Variants in ESR1 observed in about 807,000 individuals in gnomAD.
The protein encoded by ESR1 is estrogen receptor.
ESR1 carries 12 observed loss-of-function variants against 52.7 expected under a neutral mutation model. The ratio of observed to expected loss-of-function variants is 0.23; its 90% CI spans 0.15 to 0.37. The LOEUF is 0.37. Ranked by LOEUF, ESR1 falls within the 10% of genes least tolerant of loss-of-function variation. ESR1 has a pLI of 1.00. For missense variants in ESR1, 584 were observed against 779.7 expected, an observed-to-expected ratio of 0.75 and a Z score of 2.99; for synonymous variants, 305 against 316.8, an observed-to-expected ratio of 0.96 and a Z score of 0.39.
At position 151,895,132 on chromosome 6, in the gene ESR1, G is replaced by T. The variant is rs200967493; in HGVS notation, c.760+14361G>T. Among the ~76,000 whole-genome samples the T allele has an allele frequency of 7.7e-3, 631 of 81,624 alleles. 3 individuals are homozygous for T. The highest frequency in any genetic ancestry group is 9.7e-3 in the Non-Finnish European group (416 of 43,098). 53.5% of individuals were successfully genotyped at this position (81,624 alleles called of 152,430 possible). ...TTCTTGGTTAGTTTTTGTTTTTTTT[G>T]GTTTTTTTTTTTTTTTGCAACTATT... On this transcript the variant is annotated intron_variant, in intron 3 of 7. Coordinates refer to ENST00000206249, the MANE Select transcript of ESR1 (RefSeq NM_000125.4).
chr6:152,120,064 T>A (rs905227628), intron 6 of ESR1, among the ~76,000 whole-genome samples: 8 of 152,360 alleles, frequency 5.3e-5, no homozygotes, highest in African/African-American at 1.7e-4. Flanking sequence ...TGAAACCAAA[T>A]GTTTTTCTCA....
At chr6:151,954,943 A>G (rs1043131628) in intron 4 of ESR1, among the ~76,000 whole-genome samples, 2 of 152,186 alleles carry the variant, frequency 1.3e-5, no homozygotes, top group Admixed American at 1.3e-4. Flanking sequence ...CCGCCTTTAC[A>G]TTGGGTCTGT....
At chr6:151,803,535 G>A (rs1777470137), upstream of ESR1, among the ~76,000 whole-genome samples, 1 of 152,152 alleles carries the variant, frequency 6.6e-6, no homozygotes, top group African/African-American at 2.4e-5. Flanking sequence ...TGAACTCATG[G>A]GGGAAGCTAT....
At chr6:152,017,128 T>A (rs867654550) in intron 5 of ESR1, among the ~76,000 whole-genome samples, 1 of 152,198 alleles carries the variant, frequency 6.6e-6, no homozygotes, top group Non-Finnish European at 1.5e-5. Flanking sequence ...AAATGGGGTT[T>A]GGTGATTATA....
downstream of ESR1, among the ~76,000 whole-genome samples, chr6:152,104,944 G>A (rs2152512129): frequency 6.6e-6 from 1 of 152,192 alleles, no homozygotes; most frequent in East Asian, 1.9e-4. Flanking sequence ...GGCCACTGAT[G>A]TAATTAATCA....
intron 1 of ESR1, among the ~76,000 whole-genome samples, chr6:151,830,674 T>A (rs1436181573): frequency 6.6e-6 from 1 of 152,170 alleles, no homozygotes; most frequent in Non-Finnish European, 1.5e-5. Context: ...CATTAGTAAC[T>A]GACAAAAGAT....
intron 6 of ESR1, among the ~76,000 whole-genome samples, chr6:152,072,088 C>A (rs1435170050): frequency 2.6e-5 from 4 of 151,220 alleles, no homozygotes; most frequent in African/African-American, 9.8e-5. Context: ...TTCCCCGCTG[C>A]TCAGCCACTG....
intron 1 of ESR1, among the ~76,000 whole-genome samples, chr6:151,820,794 A>G (rs1388609304): frequency 6.6e-6 from 1 of 152,204 alleles, no homozygotes; most frequent in African/African-American, 2.4e-5. Flanking sequence ...ATGTTTAAAC[A>G]ATTTTCCATT....
intron 4 of ESR1, among the ~76,000 whole-genome samples, chr6:152,007,212 G>C (rs2042402095): frequency 6.6e-6 from 1 of 152,056 alleles, no homozygotes; most frequent in Non-Finnish European, 1.5e-5. Context: ...CAATTTGTAA[G>C]AAGTCCCTAG....
intron 6 of ESR1, among the ~76,000 whole-genome samples, chr6:152,115,205 TAAG>T (rs1317241303): frequency 6.6e-6 from 1 of 152,190 alleles, no homozygotes; most frequent in Admixed American, 6.5e-5. Flanking sequence ...TTATAAAATG[TAAG>T]AATATATAGT....
intron 2 of ESR1, among the ~76,000 whole-genome samples, chr6:151,723,917 T>C (rs1482137416): frequency 6.6e-6 from 1 of 151,830 alleles, no homozygotes; most frequent in African/African-American, 2.4e-5. Flanking sequence ...CCTAAATCTA[T>C]AAAATTTTCT....
At chr6:151,789,070 G>T (rs1787283992) in intron 2 of ESR1, among the ~76,000 whole-genome samples, 1 of 152,006 alleles carries the variant, frequency 6.6e-6, no homozygotes, top group African/African-American at 2.4e-5. Context: ...GTTTACCTAT[G>T]AAACAAACCT....
downstream of ESR1, among the ~76,000 whole-genome samples, chr6:152,108,220 C>T (rs1321970976): frequency 7.0e-6 from 1 of 143,054 alleles, no homozygotes; most frequent in Non-Finnish European, 1.5e-5. Flanking sequence ...AGACATTGGC[C>T]CTGCACACTC....
chr6:151,711,658 T>A (rs1246965741), intron 2 of ESR1, among the ~76,000 whole-genome samples: 1 of 152,214 alleles, frequency 6.6e-6, no homozygotes, highest in African/African-American at 2.4e-5. Context: ...AATGACTTCC[T>A]TTGAGAAGTG....
chr6:151,988,877 A>G (rs2040761173), intron 4 of ESR1, among the ~76,000 whole-genome samples: 1 of 152,136 alleles, frequency 6.6e-6, no homozygotes, highest in South Asian at 2.1e-4. Context: ...AAAGTCGGGC[A>G]CATTGGTTAG....
intron 5 of ESR1, among the ~76,000 whole-genome samples, chr6:152,013,487 A>T (rs1159839819): frequency 6.6e-6 from 1 of 152,174 alleles, no homozygotes; most frequent in Non-Finnish European, 1.5e-5. Context: ...TGACACAATT[A>T]TGCAGATTCA....
chr6:152,047,470 C>CT (rs1289639857), intron 5 of ESR1, among the ~76,000 whole-genome samples: 1 of 152,124 alleles, frequency 6.6e-6, no homozygotes, highest in African/African-American at 2.4e-5. Context: ...ATTGTCTTTA[C>CT]TTCAGGCATT....
At chr6:151,944,793 G>A (rs1278218959) in intron 4 of ESR1, among the ~76,000 whole-genome samples, 1 of 152,084 alleles carries the variant, frequency 6.6e-6, no homozygotes, top group African/African-American at 2.4e-5. Flanking sequence ...ACACTACATG[G>A]TAAAACTATT....
rs574637128 is a variant in ESR1, at chr6:151,701,250, T to C, written c.-201-625T>C. ...AATTTCTAATGGCAAAATGGATCTA[T>C]AGAAATGGAAGTCATCTGTAATCTC... On this transcript the variant is annotated intron_variant, in intron 1 of 2. Transcript: ENST00000404742. Among the ~76,000 whole-genome samples the C allele has an allele frequency of 9.9e-5, 15 of 151,112 alleles. No homozygotes were observed. In the East Asian group the frequency reaches 2.9e-3, roughly 29 times the overall value.
Sources: gnomAD v4.1 joint callset for allele counts (sites outside exome capture counted in the v4.1 genomes callset) on GRCh38, gnomAD v4.1.1 for gene constraint, MANE v1.5 for transcripts, NCBI Gene and HGNC (gene_info 2026-07-23, HGNC 2026-07-21) for gene names.